Variants in PMFBP1 observed in about 807,000 individuals in gnomAD.
PMFBP1 encodes polyamine modulated factor 1 binding protein 1.
PMFBP1 carries 131 observed loss-of-function variants against 137.8 expected under a neutral mutation model. The observed-to-expected ratio is 0.95, with a 90% CI of 0.82 to 1.10. The LOEUF is 1.10. Ranked by LOEUF, PMFBP1 falls within the 50% of genes least tolerant of loss-of-function variation. The probability of loss-of-function intolerance (pLI) is 0.00; values close to 1 mark genes in which losing one functional copy is unlikely to be tolerated. For missense variants in PMFBP1, 1,199 were observed against 1,175.4 expected (o/e 1.02, Z -0.29); for synonymous variants, 490 against 450.4 (o/e 1.09, Z -1.11).
At chr16:72,125,544 G>T in intron 15 of PMFBP1, 139 bp from the exon 16 acceptor site, 1 of 975,270 alleles carries the variant, frequency 1.0e-6, no homozygotes, top group Non-Finnish European at 1.5e-6. Flanking sequence ...TAGTCTCCCA[G>T]AGAGGGGTGG....
chr16:72,179,265 C>T (rs1024503537), upstream of PMFBP1, among the ~76,000 whole-genome samples: 4 of 152,214 alleles, frequency 2.6e-5, no homozygotes, highest in Admixed American at 1.3e-4. Context: ...AGCAATCAAA[C>T]TGCATAACCT....
intron 13 of PMFBP1, 93 bp from the exon 14 acceptor site, chr16:72,128,887 T>C (rs765685025): frequency 1.4e-5 from 21 of 1,555,164 alleles, no homozygotes; most frequent in Non-Finnish European, 1.7e-5. Context: ...CACCCAGCTC[T>C]ATCTCCACCC....
At chr16:72,180,099 CTGT>C (rs1000687321), upstream of PMFBP1, among the ~76,000 whole-genome samples, 1 of 152,148 alleles carries the variant, frequency 6.6e-6, no homozygotes, top group Non-Finnish European at 1.5e-5. Context: ...GAGCAACCTC[CTGT>C]AAGGGCTCAA....
At chr16:72,152,674 G>A (rs1387201746) in intron 4 of PMFBP1, among the ~76,000 whole-genome samples, 2 of 151,952 alleles carry the variant, frequency 1.3e-5, no homozygotes, top group South Asian at 2.1e-4. Flanking sequence ...GTGAAACCCC[G>A]TCTCTACTAA....
chr16:72,167,036 C>CT (rs1230238274), intron 2 of PMFBP1, among the ~76,000 whole-genome samples: 2 of 152,238 alleles, frequency 1.3e-5, no homozygotes, highest in Non-Finnish European at 2.9e-5. Context: ...TCATATCCAA[C>CT]TGACTGGTCT....
chr16:72,246,616 G>A, the PMFBP1 span, among the ~76,000 whole-genome samples: 6 of 151,902 alleles, frequency 3.9e-5, no homozygotes, highest in African/African-American at 1.5e-4. Context: ...TCAAGATCTG[G>A]CCACAAGGTT....
the PMFBP1 span, among the ~76,000 whole-genome samples, chr16:72,193,110 G>C: frequency 6.6e-6 from 1 of 152,150 alleles, no homozygotes; most frequent in African/African-American, 2.4e-5. Flanking sequence ...CTTCTGGCCA[G>C]GCATGGTAGG....
chr16:72,167,692 A>C (rs2043164963), intron 2 of PMFBP1, among the ~76,000 whole-genome samples: 1 of 152,146 alleles, frequency 6.6e-6, no homozygotes, highest in South Asian at 2.1e-4. Context: ...TGGCCACAGG[A>C]CTGTCTTTCT....
the PMFBP1 span, among the ~76,000 whole-genome samples, chr16:72,213,458 G>A: frequency 6.6e-6 from 1 of 152,186 alleles, no homozygotes; most frequent in Non-Finnish European, 1.5e-5. Flanking sequence ...CCTGTGGAGA[G>A]GCCCATGTGA....
At chr16:72,195,415 C>G in the PMFBP1 span, among the ~76,000 whole-genome samples, 1 of 152,138 alleles carries the variant, frequency 6.6e-6, no homozygotes, top group Non-Finnish European at 1.5e-5. Flanking sequence ...CACTGAATCT[C>G]TTGCACTTCT....
At chr16:72,214,397 G>A in the PMFBP1 span, among the ~76,000 whole-genome samples, 3 of 152,040 alleles carry the variant, frequency 2.0e-5, no homozygotes, top group African/African-American at 4.8e-5. Context: ...GGATGGTCTC[G>A]ATCCTCTGAC....
At chr16:72,182,748 T>C in the PMFBP1 span, among the ~76,000 whole-genome samples, 1 of 152,226 alleles carries the variant, frequency 6.6e-6, no homozygotes, top group Non-Finnish European at 1.5e-5. Flanking sequence ...GTAGTTCTTC[T>C]TATTACCATG....
the PMFBP1 span, among the ~76,000 whole-genome samples, chr16:72,205,526 A>C: frequency 1.5e-4 from 23 of 152,208 alleles, no homozygotes; most frequent in African/African-American, 5.5e-4. Context: ...GGGTGACCCC[A>C]ACACAGCCCA....
rs1211585210 is a variant in PMFBP1 at position 72,144,186 on chromosome 16, G to T, written c.637-3604C>A. ...CAAAATCTTACTGAAGGACACACAA[G>T]AAAACTTGCATAAAAGTAAAAATAT... On this transcript the variant is annotated intron_variant, in intron 5 of 20. Coordinates refer to ENST00000237353, the MANE Select transcript of PMFBP1 (RefSeq NM_031293.3). 1.2e-4 allele frequency among the ~76,000 whole-genome samples: 19 copies of T among 152,060 alleles called. 1 individual carries two copies. The highest frequency in any genetic ancestry group is 1.5e-5 in the Non-Finnish European group (1 of 67,990).
At chr16:72,181,945 C>T in the PMFBP1 span, among the ~76,000 whole-genome samples, 2 of 152,146 alleles carry the variant, frequency 1.3e-5, no homozygotes, top group Non-Finnish European at 2.9e-5. Context: ...GTAAAATACA[C>T]TAACGATAGC....
At position 72,153,955 on chromosome 16, in the gene PMFBP1, CACACACAT is replaced by C. The variant is rs147652765; in HGVS notation, c.414+248_414+255del. ...ACACACACACACACACACACACACACACACACATGCCTGCACACACACTCCACATATTC... is the reference window on the plus strand; with the variant it reads ...ACACACACACACACACACACACACACGCCTGCACACACACTCCACATATTC... On this transcript the variant is annotated intron_variant, in intron 4 of 20. Coordinates refer to ENST00000237353, the MANE Select transcript of PMFBP1 (RefSeq NM_031293.3). Among the ~76,000 whole-genome samples, 87 of 149,580 alleles carry C rather than the reference CACACACAT, an allele frequency of 5.8e-4. 1 individual carries two copies. The highest frequency in any genetic ancestry group is 5.2e-3 in the Admixed American group (77 of 14,708).
chr16:72,118,276 G>A (rs1015116832), downstream of PMFBP1, among the ~76,000 whole-genome samples: 9 of 152,122 alleles, frequency 5.9e-5, no homozygotes, highest in Admixed American at 3.3e-4. Flanking sequence ...ATGGGGGAAC[G>A]TAGTTCAAAG....
the PMFBP1 span, among the ~76,000 whole-genome samples, chr16:72,219,645 C>T: frequency 6.6e-6 from 1 of 152,062 alleles, no homozygotes; most frequent in Non-Finnish European, 1.5e-5. Flanking sequence ...TTGGCAGATC[C>T]AGGTGGAGGT....
chr16:72,175,907 C>T (rs1216045395), upstream of PMFBP1, among the ~76,000 whole-genome samples: 6 of 152,174 alleles, frequency 3.9e-5, no homozygotes, highest in Non-Finnish European at 8.8e-5. Context: ...CTAATTATTT[C>T]TACCCAGAAA....
Sources: allele counts gnomAD v4.1 joint callset (sites outside exome capture counted in the v4.1 genomes callset), GRCh38; gene constraint gnomAD v4.1.1; transcripts MANE v1.5; gene names NCBI Gene and HGNC (gene_info 2026-07-23, HGNC 2026-07-21).